The following RBMS3 variants were observed in gnomAD, a reference collection of about 807,000 sequenced individuals.
RBMS3 encodes the protein RNA binding motif single stranded interacting protein 3.
In RBMS3, 27 loss-of-function variants were observed where a neutral mutation model predicts 66.8. That is an observed-to-expected ratio of 0.40 (90% CI 0.30 to 0.56). RBMS3 has a LOEUF of 0.56. RBMS3 is among the 20% of genes least tolerant of loss of function. RBMS3 has a pLI of 0.40. For synonymous variants in RBMS3, 188 were observed against 183.0 expected (o/e 1.03, Z -0.22); for missense variants, 513 against 549.5 (o/e 0.93, Z 0.66).
intron 3 of RBMS3, among the ~76,000 whole-genome samples, chr3:29,548,872 G>T (rs1286184790): frequency 2.0e-5 from 3 of 151,644 alleles, no homozygotes; most frequent in African/African-American, 7.3e-5. Flanking sequence ...TTAAGAAAGA[G>T]AATTTTGGCC....
intron 12 of RBMS3, among the ~76,000 whole-genome samples, chr3:29,976,650 T>C (rs1697608077): frequency 6.6e-6 from 1 of 152,142 alleles, no homozygotes; most frequent in South Asian, 2.1e-4. Flanking sequence ...TCCTCCTCTC[T>C]GTGCATGGTC....
intron 6 of RBMS3, among the ~76,000 whole-genome samples, chr3:29,775,590 G>A (rs9867911): frequency 0.52 from 79,603 of 151,738 alleles, 21,226 homozygotes; most frequent in East Asian, 0.77. Flanking sequence ...CATGGGAGCT[G>A]TGTTATCATC....
chr3:29,542,789 CTTTTA>C (rs1473241930), intron 3 of RBMS3, among the ~76,000 whole-genome samples: 1 of 152,152 alleles, frequency 6.6e-6, no homozygotes, highest in Non-Finnish European at 1.5e-5. Context: ...TTCTTCCTTT[CTTTTA>C]TTTTAACATC....
At chr3:29,810,944 A>G (rs913833560) in intron 6 of RBMS3, among the ~76,000 whole-genome samples, 10 of 152,256 alleles carry the variant, frequency 6.6e-5, no homozygotes, top group African/African-American at 1.2e-4. Context: ...ATGTATGTAT[A>G]TTTTCCCAAA....
At chr3:29,915,470 T>C (rs2060616027) in intron 10 of RBMS3, among the ~76,000 whole-genome samples, 1 of 151,926 alleles carries the variant, frequency 6.6e-6, no homozygotes, top group Non-Finnish European at 1.5e-5. Flanking sequence ...TGCTTTTTGT[T>C]GGTGTTTTCT....
At chr3:29,346,318 G>T (rs1366838468) in intron 1 of RBMS3, among the ~76,000 whole-genome samples, 1 of 150,578 alleles carries the variant, frequency 6.6e-6, no homozygotes, top group Non-Finnish European at 1.5e-5. Flanking sequence ...ATAGGACTGA[G>T]AAATTTTTCT....
intron 3 of RBMS3, among the ~76,000 whole-genome samples, chr3:29,505,180 A>C: frequency 6.6e-6 from 1 of 151,926 alleles, no homozygotes; most frequent in Admixed American, 6.6e-5. Flanking sequence ...TAGTAGTTTT[A>C]TAGTTTCAGG....
intron 4 of RBMS3, among the ~76,000 whole-genome samples, chr3:29,667,089 A>C (rs1419343657): frequency 6.6e-6 from 1 of 152,202 alleles, no homozygotes; most frequent in East Asian, 1.9e-4. Flanking sequence ...CTGCTGCAAA[A>C]ATATCTGGGA....
chr3:29,418,181 G>A (rs1226274861), intron 1 of RBMS3, among the ~76,000 whole-genome samples: 1 of 152,080 alleles, frequency 6.6e-6, no homozygotes, highest in East Asian at 1.9e-4. Flanking sequence ...TTGACCTGCT[G>A]GGATGTGATA....
At chr3:29,698,425 T>C in intron 4 of RBMS3, 5 of 985,382 alleles carry the variant, frequency 5.1e-6, no homozygotes, top group Non-Finnish European at 6.0e-6. Context: ...ATCACAGACA[T>C]TGCCATGAAA....
chr3:29,869,951 C>A (rs1414238661), intron 7 of RBMS3, among the ~76,000 whole-genome samples: 1 of 152,088 alleles, frequency 6.6e-6, no homozygotes, highest in African/African-American at 2.4e-5. Context: ...TCAGCAAATC[C>A]TTTAGCCTTT....
chr3:29,549,199 C>T (rs1389513521), intron 3 of RBMS3, among the ~76,000 whole-genome samples: 3 of 151,010 alleles, frequency 2.0e-5, no homozygotes, highest in Admixed American at 1.3e-4. Context: ...CTTTCTATTG[C>T]CAATATTTGT....
intron 4 of RBMS3, among the ~76,000 whole-genome samples, chr3:29,700,381 T>C (rs956983534): frequency 5.3e-5 from 8 of 152,198 alleles, no homozygotes; most frequent in Non-Finnish European, 8.8e-5. Flanking sequence ...ATCCTTTCCA[T>C]TGAGGCAGGT....
At chr3:30,001,958 AGAG>A (rs1699634450) in intron 14 of RBMS3, among the ~76,000 whole-genome samples, 1 of 152,160 alleles carries the variant, frequency 6.6e-6, no homozygotes, top group East Asian at 1.9e-4. Context: ...ATTCTAGGAC[AGAG>A]GAGATCGGCA....
intron 4 of RBMS3, among the ~76,000 whole-genome samples, chr3:29,602,018 GAC>G (rs2048161926): frequency 6.6e-6 from 1 of 152,006 alleles, no homozygotes. Context: ...CATTCATTTG[GAC>G]ACAGTCTGAT....
At chr3:29,593,550 C>A (rs1014400071) in intron 4 of RBMS3, among the ~76,000 whole-genome samples, 1 of 152,168 alleles carries the variant, frequency 6.6e-6, no homozygotes, top group Non-Finnish European at 1.5e-5. Context: ...TAGTGATGGA[C>A]AAGGGCTATC....
intron 4 of RBMS3, among the ~76,000 whole-genome samples, chr3:29,713,343 A>T (rs1015529251): frequency 6.6e-6 from 1 of 152,022 alleles, no homozygotes; most frequent in African/African-American, 2.4e-5. Flanking sequence ...ATAAGACATA[A>T]TGTGCCCTTC....
intron 4 of RBMS3, among the ~76,000 whole-genome samples, chr3:29,631,625 A>G (rs2149176832): frequency 6.6e-6 from 1 of 152,064 alleles, no homozygotes; most frequent in African/African-American, 2.4e-5. Flanking sequence ...CCTAACCAAA[A>G]TAATCACACA....
intron 2 of RBMS3, among the ~76,000 whole-genome samples, chr3:29,462,825 A>G (rs2042414842): frequency 6.6e-6 from 1 of 152,228 alleles, no homozygotes; most frequent in Non-Finnish European, 1.5e-5. Context: ...AAATGACACA[A>G]TGACTTAAGA....
Sources: gnomAD v4.1 joint callset for allele counts (sites outside exome capture counted in the v4.1 genomes callset) on GRCh38, gnomAD v4.1.1 for gene constraint, MANE v1.5 for transcripts, NCBI Gene and HGNC (gene_info 2026-07-23, HGNC 2026-07-21) for gene names.